MTUS2: variants seen among roughly 807,000 people sequenced by gnomAD.
The protein encoded by MTUS2 is microtubule-associated tumor suppressor candidate 2.
A neutral mutation model predicts 114.1 loss-of-function variants in MTUS2; 40 were observed. The observed-to-expected ratio is 0.35, with a 90% CI of 0.27 to 0.46. The LOEUF (loss-of-function observed/expected upper bound fraction) is 0.46, where lower values mean the gene tolerates loss of function less well. MTUS2 is among the 20% of genes least tolerant of loss of function. The pLI is 1.00. For synonymous variants in MTUS2, 688 were observed against 672.0 expected (o/e 1.02, Z -0.37); for missense variants, 1,679 against 1,705.4 (o/e 0.98, Z 0.27).
At chr13:28,999,735 A>G (rs766880781) in intron 2 of MTUS2, among the ~76,000 whole-genome samples, 5 of 152,254 alleles carry the variant, frequency 3.3e-5, no homozygotes, top group African/African-American at 1.2e-4. Context: ...TCCTAACTGT[A>G]ACTTTGTACC....
At chr13:29,406,967 C>T (rs557743052) in intron 8 of MTUS2, among the ~76,000 whole-genome samples, 4 of 152,184 alleles carry the variant, frequency 2.6e-5, no homozygotes, top group African/African-American at 7.2e-5. Flanking sequence ...ACATTTAGGC[C>T]GGGCACAGTG....
intron 1 of MTUS2, among the ~76,000 whole-genome samples, chr13:28,836,474 C>CA (rs1260056705): frequency 7.9e-5 from 12 of 152,172 alleles, no homozygotes; most frequent in African/African-American, 2.7e-4. Context: ...CATCTGTTCT[C>CA]AAAAAATCAT....
chr13:29,359,792 G>T (rs780203761), intron 8 of MTUS2, among the ~76,000 whole-genome samples: 2 of 152,146 alleles, frequency 1.3e-5, no homozygotes. Flanking sequence ...GAAATGGAGC[G>T]TGTGGTAGTT....
chr13:29,448,753 C>CTT (rs71090255), intron 9 of MTUS2, among the ~76,000 whole-genome samples: 61,783 of 115,346 alleles, frequency 0.54, 17,618 homozygotes, highest in East Asian at 0.76. Flanking sequence ...ACAGAGTGCT[C>CTT]TTTTTTTTTT....
intron 5 of MTUS2, among the ~76,000 whole-genome samples, chr13:29,137,417 C>T (rs1226971470): frequency 6.6e-6 from 1 of 151,568 alleles, no homozygotes; most frequent in African/African-American, 2.4e-5. Context: ...GATTTTTGGC[C>T]ATTATTTCTT....
At chr13:29,099,144 G>A (rs1355057758) in intron 4 of MTUS2, among the ~76,000 whole-genome samples, 2 of 152,226 alleles carry the variant, frequency 1.3e-5, no homozygotes, top group Non-Finnish European at 2.9e-5. Context: ...GAACAACAAT[G>A]TGAAGTCATT....
At chr13:28,858,892 A>C (rs750285287) in intron 2 of MTUS2, among the ~76,000 whole-genome samples, 1 of 152,186 alleles carries the variant, frequency 6.6e-6, no homozygotes, top group Non-Finnish European at 1.5e-5. Flanking sequence ...AGTTGAGGCC[A>C]GATCTGTCAG....
chr13:29,443,524 G>A (rs1338172967), intron 9 of MTUS2, among the ~76,000 whole-genome samples: 1 of 152,228 alleles, frequency 6.6e-6, no homozygotes, highest in East Asian at 1.9e-4. Flanking sequence ...GCTACTGGAG[G>A]GAGGGCGGAA....
intron 2 of MTUS2, among the ~76,000 whole-genome samples, chr13:28,858,081 A>G (rs1227119082): frequency 6.6e-6 from 1 of 152,180 alleles, no homozygotes; most frequent in Non-Finnish European, 1.5e-5. Context: ...AAAAATGAGA[A>G]GGAAAAAGCC....
chr13:29,133,618 C>T (rs953031469), intron 5 of MTUS2, among the ~76,000 whole-genome samples: 15 of 152,168 alleles, frequency 9.9e-5, no homozygotes, highest in Non-Finnish European at 2.2e-4. Context: ...TTCCCTCCCC[C>T]CATTGAATAG....
intron 8 of MTUS2, among the ~76,000 whole-genome samples, chr13:29,411,382 A>G (rs919562970): frequency 6.6e-6 from 1 of 152,144 alleles, no homozygotes; most frequent in Non-Finnish European, 1.5e-5. Context: ...AAATTTCCAT[A>G]TGTCCTTAGG....
intron 2 of MTUS2, among the ~76,000 whole-genome samples, chr13:28,880,452 G>A (rs1010034410): frequency 2.0e-5 from 3 of 152,172 alleles, no homozygotes; most frequent in South Asian, 2.1e-4. Context: ...TCCAGGACTC[G>A]TGGTAAACAG....
intron 7 of MTUS2, among the ~76,000 whole-genome samples, chr13:29,342,935 A>C (rs1054185511): frequency 5.3e-5 from 8 of 151,854 alleles, no homozygotes; most frequent in Non-Finnish European, 8.8e-5. Context: ...TTTTGTTTTT[A>C]ATTCTGTTTA....
At chr13:28,902,914 A>T (rs949500093) in intron 2 of MTUS2, among the ~76,000 whole-genome samples, 4 of 152,168 alleles carry the variant, frequency 2.6e-5, no homozygotes, top group African/African-American at 4.8e-5. Flanking sequence ...TACTTTAAAC[A>T]TTGGTGGAAT....
chr13:28,902,578 T>TA (rs1184659796), intron 2 of MTUS2, among the ~76,000 whole-genome samples: 5 of 152,124 alleles, frequency 3.3e-5, no homozygotes, highest in Non-Finnish European at 4.4e-5. Context: ...ATTTTAACAT[T>TA]AATTGATACA....
chr13:28,950,670 A>G (rs1007593640), intron 2 of MTUS2, among the ~76,000 whole-genome samples: 4 of 152,248 alleles, frequency 2.6e-5, no homozygotes, highest in Non-Finnish European at 5.9e-5. Flanking sequence ...CAGAACAAAC[A>G]TATTTATCAA....
At chr13:29,073,531 G>A (rs1593447490) in intron 4 of MTUS2, among the ~76,000 whole-genome samples, 1 of 2,862 alleles carries the variant, frequency 3.5e-4, no homozygotes, top group African/African-American at 6.0e-4. Context: ...AGTGAAAGGC[G>A]GGTGTGTGTG....
At chr13:28,944,799 A>G (rs552031060) in intron 2 of MTUS2, among the ~76,000 whole-genome samples, 1 of 152,306 alleles carries the variant, frequency 6.6e-6, no homozygotes, top group Admixed American at 6.5e-5. Context: ...ACCATTCGTG[A>G]TAGGTACATC....
intron 7 of MTUS2, among the ~76,000 whole-genome samples, chr13:29,353,465 T>C (rs1298270135): frequency 6.6e-6 from 1 of 151,800 alleles, no homozygotes; most frequent in East Asian, 1.9e-4. Flanking sequence ...TGCACACAGC[T>C]GATTTTTGTA....
Sources: gnomAD v4.1 joint callset for allele counts (sites outside exome capture counted in the v4.1 genomes callset) on GRCh38, gnomAD v4.1.1 for gene constraint, MANE v1.5 for transcripts, NCBI Gene and HGNC (gene_info 2026-07-23, HGNC 2026-07-21) for gene names.